The following CRB1 variants were observed in gnomAD, a reference collection of about 807,000 sequenced individuals.
CRB1 encodes the protein protein crumbs homolog 1.
Under a neutral mutation model 120.0 loss-of-function variants are expected in CRB1, and 83 were observed. The ratio of observed to expected loss-of-function variants is 0.69; its 90% CI spans 0.58 to 0.83. CRB1 has a LOEUF of 0.83. Among genes scored for constraint, CRB1 ranks in the 40% least tolerant of loss-of-function variants. CRB1 has a pLI of 0.00. For missense variants in CRB1, 1,699 were observed against 1,687.6 expected, an observed-to-expected ratio of 1.01 and a Z score of -0.12; for synonymous variants, 625 against 612.5, an observed-to-expected ratio of 1.02 and a Z score of -0.30.
chr1:197,270,011 T>C (rs1654822697), intron 1 of CRB1, among the ~76,000 whole-genome samples: 1 of 152,216 alleles, frequency 6.6e-6, no homozygotes, highest in South Asian at 2.1e-4. Flanking sequence ...TGTGTTGATA[T>C]ATTTATTGGC....
intron 5 of CRB1, among the ~76,000 whole-genome samples, chr1:197,409,756 G>A (rs1358523248): frequency 6.6e-6 from 1 of 152,058 alleles, no homozygotes; most frequent in Non-Finnish European, 1.5e-5. Flanking sequence ...ACAGTGACTG[G>A]CACAGATCTG....
the CRB1 span, among the ~76,000 whole-genome samples, chr1:197,258,554 C>T: frequency 6.6e-6 from 1 of 152,180 alleles, no homozygotes; most frequent in African/African-American, 2.4e-5. Context: ...CTTCACTTTC[C>T]TGCAGCATTA....
At chr1:197,311,694 AGTTAGTGTGTGTGT>A (rs1393559381) in intron 1 of CRB1, among the ~76,000 whole-genome samples, 43 of 120,488 alleles carry the variant, frequency 3.6e-4, no homozygotes, top group African/African-American at 9.7e-4. Context: ...CACCTCATAT[AGTTAGTGTGTGTGT>A]GTGTGTGTGT....
At chr1:197,448,276 G>A (rs956882656) in intron 11 of CRB1, among the ~76,000 whole-genome samples, 2 of 152,056 alleles carry the variant, frequency 1.3e-5, no homozygotes, top group African/African-American at 4.8e-5. Context: ...ACTTTAAGAG[G>A]ATTTTTCTTT....
chr1:197,437,574 A>G (rs1665224805), intron 9 of CRB1, among the ~76,000 whole-genome samples: 1 of 152,162 alleles, frequency 6.6e-6, no homozygotes, highest in South Asian at 2.1e-4. Flanking sequence ...ACAAAGCTTC[A>G]TATTTGCATT....
chr1:197,412,519 T>C (rs1035082519), intron 5 of CRB1, among the ~76,000 whole-genome samples: 20 of 152,178 alleles, frequency 1.3e-4, no homozygotes, highest in African/African-American at 4.8e-4. Flanking sequence ...TTCTACTTCA[T>C]TATTTTGATT....
intron 1 of CRB1, among the ~76,000 whole-genome samples, chr1:197,290,006 G>A (rs1571775114): frequency 6.6e-6 from 1 of 151,424 alleles, no homozygotes; most frequent in Non-Finnish European, 1.5e-5. Context: ...AGTTATATTT[G>A]TCAGTCTATC....
At chr1:197,388,260 CA>C (rs1662322711) in intron 5 of CRB1, among the ~76,000 whole-genome samples, 1 of 151,864 alleles carries the variant, frequency 6.6e-6, no homozygotes, top group South Asian at 2.1e-4. Context: ...TTCTTAGGAT[CA>C]AATAAATGGC....
the CRB1 span, among the ~76,000 whole-genome samples, chr1:197,231,042 G>A: frequency 3.3e-5 from 5 of 152,172 alleles, no homozygotes; most frequent in Admixed American, 1.3e-4. Context: ...GTAATTAATA[G>A]ACTTTGCTTC....
chr1:197,279,835 C>CT (rs58204645), intron 1 of CRB1, among the ~76,000 whole-genome samples: 11,077 of 142,564 alleles, frequency 0.078, 1,378 homozygotes, highest in African/African-American at 0.26. Context: ...TCTCTAAAGC[C>CT]TTTTTTTTTT....
At chr1:197,420,733 G>A (rs1232439838) in intron 5 of CRB1, among the ~76,000 whole-genome samples, 2 of 152,178 alleles carry the variant, frequency 1.3e-5, no homozygotes, top group African/African-American at 4.8e-5. Flanking sequence ...ATCTGACAGT[G>A]ATAGTTGGAA....
At chr1:197,233,297 G>A in the CRB1 span, among the ~76,000 whole-genome samples, 10 of 152,154 alleles carry the variant, frequency 6.6e-5, no homozygotes, top group Non-Finnish European at 1.5e-4. Context: ...TATAAACTCC[G>A]TCAAGTAGTT....
chr1:197,334,735 A>G (rs2125313811), intron 2 of CRB1, among the ~76,000 whole-genome samples: 1 of 152,300 alleles, frequency 6.6e-6, no homozygotes, highest in South Asian at 2.1e-4. Flanking sequence ...GACACATGAT[A>G]TGGATTTTTT....
chr1:197,261,590 C>A, the CRB1 span, among the ~76,000 whole-genome samples: 2 of 152,112 alleles, frequency 1.3e-5, no homozygotes, highest in African/African-American at 2.4e-5. Flanking sequence ...ATGTATTTAT[C>A]AAACTGTAGC....
the CRB1 span, among the ~76,000 whole-genome samples, chr1:197,231,538 T>G: frequency 6.6e-6 from 1 of 152,046 alleles, no homozygotes; most frequent in Non-Finnish European, 1.5e-5. Flanking sequence ...GCAAGGACCC[T>G]AGGAAACAGT....
chr1:197,381,350 C>T (rs982745669), intron 5 of CRB1, among the ~76,000 whole-genome samples: 4 of 152,178 alleles, frequency 2.6e-5, no homozygotes, highest in African/African-American at 9.7e-5. Context: ...TTGGCATAAT[C>T]CTCACTTACT....
chr1:197,467,554 A>G (rs965149457), intron 11 of CRB1, among the ~76,000 whole-genome samples: 1 of 152,182 alleles, frequency 6.6e-6, no homozygotes, highest in African/African-American at 2.4e-5. Context: ...ATTGCATTTA[A>G]TCATCATTTG....
chr1:197,258,659 C>T, the CRB1 span, among the ~76,000 whole-genome samples: 1 of 152,116 alleles, frequency 6.6e-6, no homozygotes, highest in Non-Finnish European at 1.5e-5. Context: ...GCTTCTTATC[C>T]TCCAATTATT....
the CRB1 span, among the ~76,000 whole-genome samples, chr1:197,216,550 C>T: frequency 5.2e-4 from 79 of 152,282 alleles, no homozygotes; most frequent in African/African-American, 1.9e-3. Context: ...ACAAGTTTTT[C>T]ATTGGAGGAA....
Sources: allele counts gnomAD v4.1 joint callset (sites outside exome capture counted in the v4.1 genomes callset), GRCh38; gene constraint gnomAD v4.1.1; transcripts MANE v1.5; gene names NCBI Gene and HGNC (gene_info 2026-07-23, HGNC 2026-07-21).